Variants in NEK1 observed in about 807,000 individuals in gnomAD.
NEK1 encodes the protein NIMA related kinase 1.
A neutral mutation model predicts 182.1 loss-of-function variants in NEK1; 137 were observed. The ratio of observed to expected loss-of-function variants is 0.75; its 90% CI spans 0.65 to 0.87. The LOEUF is 0.87. Among genes scored for constraint, NEK1 ranks in the 40% least tolerant of loss-of-function variants. NEK1 has a pLI of 0.00. For synonymous variants in NEK1, 513 were observed against 492.2 expected, an observed-to-expected ratio of 1.04 and a Z score of -0.56; for missense variants, 1,391 against 1,494.4, an observed-to-expected ratio of 0.93 and a Z score of 1.14.
rs148535911 is a variant in NEK1 at position 169,395,882 on chromosome 4, T to C, written c.3848-1359A>G. On this transcript the variant is annotated intron_variant, in intron 35 of 35. Coordinates refer to ENST00000507142, the MANE Select transcript of NEK1 (RefSeq NM_001199397.3). ...ACGTACATGCACATCTAAATAAAAT[T>C]GTTTAGAAACACTACATAAATGGTG... Among the ~76,000 whole-genome samples the C allele has an allele frequency of 3.0e-3, 460 of 152,358 alleles. 2 individuals are homozygous for C. Among genetic ancestry groups the C allele is most frequent in the African/African-American group, 0.01 (429 of 41,584 alleles).
rs1274535313 is a variant in NEK1 at position 169,463,415 on chromosome 4, A to G, written c.2435-20T>C. 1 of 1,570,210 alleles carries G rather than the reference A, an allele frequency of 6.4e-7. No individual in the cohort carries two copies. The highest frequency in any genetic ancestry group is 1.7e-5 in the Admixed American group (1 of 57,508). On this transcript the variant is annotated intron_variant, in intron 26 of 35. Transcript: ENST00000507142. Reference sequence around the variant, plus strand: ...TATGTCCTATAAGAAAAATATACAAAGAAACAATTTTCAATAACAGTATAA... The same window carrying G: ...TATGTCCTATAAGAAAAATATACAAGGAAACAATTTTCAATAACAGTATAA...
chr4:169,604,035 A>C (rs1770936146), intron 2 of NEK1, among the ~76,000 whole-genome samples: 1 of 152,112 alleles, frequency 6.6e-6, no homozygotes, highest in South Asian at 2.1e-4. Flanking sequence ...TTCTCTTTTG[A>C]ACTATTCATC....
At chr4:169,593,722 C>A (rs1175279784) in intron 5 of NEK1, among the ~76,000 whole-genome samples, 2 of 152,168 alleles carry the variant, frequency 1.3e-5, no homozygotes, top group African/African-American at 4.8e-5. Context: ...GGCGCCGTGG[C>A]TCACGCCTGT....
chr4:169,403,692 T>G (rs1732077434), intron 32 of NEK1, among the ~76,000 whole-genome samples: 2 of 152,176 alleles, frequency 1.3e-5, no homozygotes, highest in African/African-American at 4.8e-5. Flanking sequence ...CTAGAGGAAT[T>G]AGTACCCTCT....
chr4:169,521,164 G>A (rs1261014811), intron 19 of NEK1, among the ~76,000 whole-genome samples: 3 of 44,004 alleles, frequency 6.8e-5, no homozygotes. Context: ...GCGAGATTCC[G>A]TGGGCGTAGG....
At chr4:169,566,540 C>T (rs1763709575) in intron 12 of NEK1, among the ~76,000 whole-genome samples, 1 of 151,714 alleles carries the variant, frequency 6.6e-6, no homozygotes, top group Non-Finnish European at 1.5e-5. Flanking sequence ...TTAACAGAGC[C>T]TTTAAAAAAA....
At chr4:169,471,337 CTA>C (rs989855964) in intron 26 of NEK1, among the ~76,000 whole-genome samples, 32 of 152,118 alleles carry the variant, frequency 2.1e-4, no homozygotes, top group African/African-American at 7.0e-4. Flanking sequence ...GATGTTGATG[CTA>C]TTGCTTTCTG....
intron 19 of NEK1, among the ~76,000 whole-genome samples, chr4:169,510,960 C>T (rs1310294841): frequency 6.6e-6 from 1 of 152,100 alleles, no homozygotes; most frequent in Non-Finnish European, 1.5e-5. Context: ...TTATAGAAAC[C>T]TCTCACAGTA....
chr4:169,586,143 A>G (rs903376504), intron 9 of NEK1, among the ~76,000 whole-genome samples: 3 of 152,040 alleles, frequency 2.0e-5, no homozygotes, highest in Non-Finnish European at 4.4e-5. Flanking sequence ...AAGTAAAAAG[A>G]AAACAAGAGG....
Position 169,486,000 on chromosome 4 carries a change from C to G in NEK1, c.2008-6466G>C, listed in dbSNP as rs149549290. 2.8e-3 allele frequency among the ~76,000 whole-genome samples: 431 copies of G among 152,194 alleles called. 1 individual carries two copies. Among genetic ancestry groups the G allele is most frequent in the African/African-American group, 9.8e-3 (406 of 41,532 alleles). ...GGTCGAAATTGCAGAGAGCCATGTT[C>G]ACACCACGGCACTCCAGCCTGAGTG... is the stretch of plus-strand genomic sequence containing the variant. On this transcript the variant is annotated intron_variant, in intron 23 of 35. Coordinates refer to ENST00000507142, the MANE Select transcript of NEK1 (RefSeq NM_001199397.3).
At chr4:169,468,274 T>A (rs1296809958) in intron 26 of NEK1, among the ~76,000 whole-genome samples, 1 of 151,442 alleles carries the variant, frequency 6.6e-6, no homozygotes, top group African/African-American at 2.4e-5. Context: ...AACAGGAACA[T>A]TTAATCTAAG....
At chr4:169,460,676 A>T (rs1743805328) in intron 27 of NEK1, among the ~76,000 whole-genome samples, 1 of 152,196 alleles carries the variant, frequency 6.6e-6, no homozygotes, top group African/African-American at 2.4e-5. Context: ...AAGTAAAAAG[A>T]AAGATATACT....
chr4:169,537,987 A>G, intron 18 of NEK1, 76 bp from the exon 19 acceptor site: 1 of 1,073,274 alleles, frequency 9.3e-7, no homozygotes, highest in Non-Finnish European at 1.3e-6. Context: ...CATTTATCCT[A>G]AATTTTTTTT....
chr4:169,426,189 A>G lies in NEK1; in HGVS notation c.2931T>C (p.Asp977=). ...GTTGGTCCACAGTACTCGAGACTCC[A>G]TCTTCAGAAACTTCATTTTCCTGAA... is the stretch of plus-strand genomic sequence containing the variant. ...ITIQENEVSE[D]GVSSTVDQLS... is the part of the protein sequence containing the mutation. The change falls in exon 30 of 36, where the codon GAT becomes GAC. Residue 977 remains aspartate, a synonymous_variant. Coordinates refer to ENST00000507142, the MANE Select transcript of NEK1 (RefSeq NM_001199397.3). 1 of 1,613,762 alleles carries G rather than the reference A, an allele frequency of 6.2e-7. No individual in the cohort carries two copies. Among genetic ancestry groups the G allele is most frequent in the Non-Finnish European group, 8.5e-7 (1 of 1,179,790 alleles).
chr4:169,575,015 C>T (rs1765470660), intron 12 of NEK1, among the ~76,000 whole-genome samples: 1 of 152,098 alleles, frequency 6.6e-6, no homozygotes, highest in Non-Finnish European at 1.5e-5. Context: ...ACAAAAACCC[C>T]AACTACTTTT....
At position 169,507,083 on chromosome 4, in the gene NEK1, T is replaced by A. The variant is rs767789905; in HGVS notation, c.1961A>T (p.Lys654Met). 30 of 1,610,882 alleles carry A rather than the reference T, an allele frequency of 1.9e-5. No homozygotes were observed. Among genetic ancestry groups the A allele is most frequent in the Non-Finnish European group, 2.3e-5 (27 of 1,178,686 alleles). The change falls in exon 23 of 36, where the codon AAG (lysine) becomes ATG (methionine). Residue 654 changes from lysine to methionine, a missense_variant. By Grantham distance (95) the Lys-to-Met change is moderately conservative (BLOSUM62 -1). Coordinates refer to ENST00000507142, the MANE Select transcript of NEK1 (RefSeq NM_001199397.3). ...TTCTCTCTCATAAGCCTCCTTTCTCTTTCGTTCTAGTTGTTCTTTTAGTAC... is the reference window on the plus strand; with the variant it reads ...TTCTCTCTCATAAGCCTCCTTTCTCATTCGTTCTAGTTGTTCTTTTAGTAC... ...AAVLKEQLER[K>M]RKEAYEREKK...
intron 5 of NEK1, among the ~76,000 whole-genome samples, chr4:169,596,232 C>T (rs1306494796): frequency 6.6e-6 from 1 of 152,116 alleles, no homozygotes; most frequent in Non-Finnish European, 1.5e-5. Flanking sequence ...AATTTATAGA[C>T]AGAAATCAAT....
At chr4:169,525,545 C>T (rs1320690484) in intron 19 of NEK1, among the ~76,000 whole-genome samples, 1 of 151,852 alleles carries the variant, frequency 6.6e-6, no homozygotes, top group Non-Finnish European at 1.5e-5. Context: ...TAATCTATAG[C>T]AAAGATCAGC....
intron 19 of NEK1, among the ~76,000 whole-genome samples, chr4:169,531,286 T>C (rs1757637240): frequency 6.6e-6 from 1 of 151,976 alleles, no homozygotes; most frequent in South Asian, 2.1e-4. Context: ...TTCTTTGATA[T>C]GATGATAAAC....
Sources: gnomAD v4.1 joint callset for allele counts (sites outside exome capture counted in the v4.1 genomes callset) on GRCh38, gnomAD v4.1.1 for gene constraint, MANE v1.5 for transcripts, NCBI Gene and HGNC (gene_info 2026-07-23, HGNC 2026-07-21) for gene names.